Variants in BSPH1 observed in about 807,000 individuals in gnomAD.
The protein encoded by BSPH1 is binder of sperm protein homolog 1.
A neutral mutation model predicts 22.5 loss-of-function variants in BSPH1; 21 were observed. The ratio of observed to expected loss-of-function variants is 0.93; its 90% CI spans 0.66 to 1.35. The LOEUF is 1.35. Among genes scored for constraint, BSPH1 ranks in the 40% most tolerant of loss-of-function variants. The probability of loss-of-function intolerance (pLI) is 0.00; values close to 1 mark genes in which losing one functional copy is unlikely to be tolerated. For missense variants in BSPH1, 141 were observed against 154.2 expected (o/e 0.91, Z 0.45); for synonymous variants, 42 against 53.6 (o/e 0.78, Z 0.95).
chr19:47,988,313 T>C (rs979922834), intron 1 of BSPH1, among the ~76,000 whole-genome samples: 4 of 152,222 alleles, frequency 2.6e-5, no homozygotes, highest in Non-Finnish European at 5.9e-5. Flanking sequence ...GTTCTGAGCG[T>C]CACGCATGCT....
intron 5 of BSPH1, among the ~76,000 whole-genome samples, chr19:47,975,822 A>AT (rs1487527096): frequency 6.6e-6 from 1 of 151,546 alleles, no homozygotes; most frequent in Non-Finnish European, 1.5e-5. Context: ...CGCCCGGCTA[A>AT]TTTTTTGTAT....
chr19:47,974,585 C>T (rs73583562), intron 5 of BSPH1, among the ~76,000 whole-genome samples: 4,898 of 151,424 alleles, frequency 0.032, 256 homozygotes, highest in African/African-American at 0.11. Flanking sequence ...CTTTTCTACC[C>T]GACCCTCTCT....
intron 5 of BSPH1, among the ~76,000 whole-genome samples, chr19:47,969,162 G>A (rs780393815): frequency 3.9e-5 from 6 of 152,040 alleles, no homozygotes; most frequent in African/African-American, 1.2e-4. Context: ...GATTTGGCAC[G>A]TTTTTTGAAG....
intron 5 of BSPH1, among the ~76,000 whole-genome samples, chr19:47,969,893 TGA>T (rs904189326): frequency 1.3e-5 from 2 of 151,446 alleles, no homozygotes; most frequent in African/African-American, 4.9e-5. Context: ...TTTGTGTGTG[TGA>T]GAGAGAGACT....
chr19:47,975,144 T>C lies in BSPH1; in HGVS notation c.*2+1566A>G, dbSNP rs545281816. ...GGGATCATCCCATCTCTTCCTTTTTTCTCTGGGCCTTCTATCAGATATTTC... is the reference window on the plus strand; with the variant it reads ...GGGATCATCCCATCTCTTCCTTTTTCCTCTGGGCCTTCTATCAGATATTTC... On this transcript the variant is annotated intron_variant, in intron 5 of 5. Transcript: ENST00000344839. Among the ~76,000 whole-genome samples the C allele has an allele frequency of 6.6e-5, 10 of 152,298 alleles. No individual in the cohort carries two copies. In the South Asian group the frequency reaches 1.9e-3, roughly 28 times the overall value.
chr19:47,984,525 A>AT (rs1969450997), intron 1 of BSPH1, among the ~76,000 whole-genome samples: 1 of 152,076 alleles, frequency 6.6e-6, no homozygotes, highest in South Asian at 2.1e-4. Context: ...AATGAGTCTC[A>AT]TTTTTTCAGT....
intron 1 of BSPH1, among the ~76,000 whole-genome samples, chr19:47,990,171 G>T (rs990260714): frequency 1.3e-5 from 2 of 150,730 alleles, no homozygotes; most frequent in Non-Finnish European, 2.9e-5. Flanking sequence ...GCAGATGCTT[G>T]CAAGGGAGAG....
chr19:47,972,393 A>C (rs992130047), intron 5 of BSPH1, among the ~76,000 whole-genome samples: 4 of 151,926 alleles, frequency 2.6e-5, no homozygotes, highest in Non-Finnish European at 5.9e-5. Context: ...CACCAACATA[A>C]TAAACATAGT....
intron 2 of BSPH1, among the ~76,000 whole-genome samples, chr19:47,980,224 C>T (rs4802409): frequency 0.071 from 10,749 of 150,452 alleles, 444 homozygotes; most frequent in East Asian, 0.2. Flanking sequence ...AAAAAATATT[C>T]ATCCCTGAGG....
intron 1 of BSPH1, among the ~76,000 whole-genome samples, chr19:47,981,397 C>T (rs62131788): frequency 6.6e-6 from 1 of 152,088 alleles, no homozygotes; most frequent in Non-Finnish European, 1.5e-5. Context: ...AGAATGATAC[C>T]TCTGAGGTAT....
intron 1 of BSPH1, among the ~76,000 whole-genome samples, chr19:47,988,613 T>C (rs1969493425): frequency 6.6e-6 from 1 of 152,100 alleles, no homozygotes; most frequent in Non-Finnish European, 1.5e-5. Context: ...TAATGGCTCT[T>C]GCAATGCAAG....
intron 5 of BSPH1, among the ~76,000 whole-genome samples, chr19:47,973,669 G>A (rs1270637104): frequency 1.3e-5 from 2 of 152,124 alleles, no homozygotes; most frequent in African/African-American, 4.8e-5. Context: ...GAAAGATAAT[G>A]TTTGCCTGGA....
Position 47,977,380 on chromosome 19 carries a change from A to C in BSPH1, c.249T>G (p.Ser83Arg), listed in dbSNP as rs1019402441. Residue 83 changes from serine to arginine, a missense_variant, in exon 4 of 6, where the codon AGT (serine) becomes AGG (arginine). By Grantham distance (110) the Ser-to-Arg change is moderately radical (BLOSUM62 -1). Transcript: ENST00000344839. ...TAGAGACAGGACACTCACCTTCTGC[A>C]CTGCAAAACTTCCAGTATCCTTCGT... ...KTYEGYWKFC[S>R]AEDFANCVFP... 7 of 1,552,030 alleles carry C rather than the reference A, an allele frequency of 4.5e-6. No individual in the cohort carries two copies. The highest frequency in any genetic ancestry group is 2.4e-5 in the East Asian group (1 of 40,922).
intron 3 of BSPH1, among the ~76,000 whole-genome samples, chr19:47,978,438 A>G (rs1255049478): frequency 1.3e-5 from 2 of 152,144 alleles, no homozygotes; most frequent in East Asian, 3.8e-4. Context: ...ATGTTCTGTG[A>G]TATGGATTCA....
intron 2 of BSPH1, among the ~76,000 whole-genome samples, chr19:47,980,629 C>A (rs2122251834): frequency 6.6e-6 from 1 of 151,916 alleles, no homozygotes; most frequent in East Asian, 1.9e-4. Context: ...CCACCATGCC[C>A]AGTTAATTTT....
chr19:47,969,950 C>G (rs111278401), intron 5 of BSPH1, among the ~76,000 whole-genome samples: 1 of 143,008 alleles, frequency 7.0e-6, no homozygotes, highest in African/African-American at 2.7e-5. Context: ...ATTTATGTTT[C>G]TGAGAGAGAC....
At chr19:47,972,238 C>A (rs555143598) in intron 5 of BSPH1, among the ~76,000 whole-genome samples, 26 of 150,656 alleles carry the variant, frequency 1.7e-4, no homozygotes, top group African/African-American at 5.4e-4. Flanking sequence ...GGTTGGCAGA[C>A]TGAATGCTTG....
In BSPH1 at chr19:47,982,042, A is replaced by G. The variant is rs140521772; in HGVS notation, c.74-1101T>C. ...AAATACAACATAGAATGAATTGTAG[A>G]ATAAATATAGAGTGAAAAATTTGAT... On this transcript the variant is annotated intron_variant, in intron 1 of 5. Coordinates refer to ENST00000344839, the MANE Select transcript of BSPH1 (RefSeq NM_001128326.2). Among the ~76,000 whole-genome samples, 17 of 152,356 alleles carry G rather than the reference A, an allele frequency of 1.1e-4. No individual in the cohort carries two copies. In the East Asian group the frequency reaches 3.1e-3, roughly 28 times the overall value.
At chr19:47,988,315 A>T (rs1159679900) in intron 1 of BSPH1, among the ~76,000 whole-genome samples, 1 of 152,206 alleles carries the variant, frequency 6.6e-6, no homozygotes, top group East Asian at 1.9e-4. Context: ...TCTGAGCGTC[A>T]CGCATGCTAA....
Sources: gnomAD v4.1 joint callset for allele counts (sites outside exome capture counted in the v4.1 genomes callset) on GRCh38, gnomAD v4.1.1 for gene constraint, MANE v1.5 for transcripts, NCBI Gene and HGNC (gene_info 2026-07-23, HGNC 2026-07-21) for gene names.